The following PLOD1 variants were observed in gnomAD, a reference collection of about 807,000 sequenced individuals.
The protein encoded by PLOD1 is procollagen-lysine,2-oxoglutarate 5-dioxygenase 1.
A neutral mutation model predicts 94.7 loss-of-function variants in PLOD1; 70 were observed. The observed-to-expected ratio is 0.74, with a 90% CI of 0.61 to 0.90. PLOD1 has a LOEUF of 0.90. Among genes scored for constraint, PLOD1 ranks in the 40% least tolerant of loss-of-function variants. The pLI is 0.00. For synonymous variants in PLOD1, 417 were observed against 400.2 expected (o/e 1.04, Z -0.50); for missense variants, 905 against 972.7 (o/e 0.93, Z 0.93).
chr1:11,958,701 C>A lies in PLOD1; in HGVS notation c.975+54C>A. On this transcript the variant is annotated intron_variant, in intron 9 of 18. Transcript: ENST00000196061. The surrounding 1 kb of genome is among the most constrained non-coding windows in gnomAD (Gnocchi z 4.3). The stretch of plus-strand genomic sequence containing the variant: ...CATGTGGCTTAGATCCAGGGCCCAG[C>A]TTCACAAGGTAGCCCGAGACCTCTG... The A allele has an allele frequency of 2.5e-6, 4 of 1,608,926 alleles. No individual in the cohort carries two copies. Among genetic ancestry groups the A allele is most frequent in the Admixed American group, 3.3e-5 (2 of 59,966 alleles).
intron 1 of PLOD1, among the ~76,000 whole-genome samples, chr1:11,940,038 A>G (rs1645605894): frequency 6.6e-6 from 1 of 152,106 alleles, no homozygotes; most frequent in Admixed American, 6.5e-5. Flanking sequence ...GACCGGGATT[A>G]CAGGTGTGAG....
Position 11,957,312 on chromosome 1 carries a change from T to C in PLOD1, c.741+298T>C. The C allele has an allele frequency of 1.7e-6, 1 of 599,306 alleles. No homozygotes were observed. The highest frequency in any genetic ancestry group is 1.5e-5 in the South Asian group (1 of 67,728). 37.1% of individuals were successfully genotyped at this position (599,306 alleles called of 1,614,324 possible). A position where few individuals can be genotyped will look rare whatever the true frequency, so the allele number is the denominator to read the frequency against. ...CACTGTCACCCCAGGGCAGAGTCACTTATTCACTCAGTAAACCTTTATTTC... is the reference window on the plus strand; with the variant it reads ...CACTGTCACCCCAGGGCAGAGTCACCTATTCACTCAGTAAACCTTTATTTC... On this transcript the variant is annotated intron_variant, in intron 7 of 18. Coordinates refer to ENST00000196061, the MANE Select transcript of PLOD1 (RefSeq NM_000302.4). The surrounding 1 kb of genome is among the most constrained non-coding windows in gnomAD (Gnocchi z 4.1).
intron 13 of PLOD1, 25 bp from the exon 14 acceptor site, chr1:11,965,455 C>T: frequency 7.0e-7 from 1 of 1,436,096 alleles, no homozygotes. Context: ...GGGAGCGCCT[C>T]TTCCACCGGG....
intron 16 of PLOD1, among the ~76,000 whole-genome samples, chr1:11,967,922 G>T: frequency 6.8e-6 from 1 of 146,974 alleles, no homozygotes; most frequent in Non-Finnish European, 1.5e-5. Flanking sequence ...GCTAATCTTT[G>T]TATTCTTTAT....
intron 1 of PLOD1, among the ~76,000 whole-genome samples, chr1:11,944,261 G>A (rs1003972476): frequency 6.6e-6 from 1 of 151,904 alleles, no homozygotes; most frequent in Non-Finnish European, 1.5e-5. Flanking sequence ...CTGGCACACA[G>A]AAAATGCTCG....
Position 11,963,601 on chromosome 1 carries a change from G to A in PLOD1, c.1167G>A (p.Glu389=). 1 of 1,602,198 alleles carries A rather than the reference G, an allele frequency of 6.2e-7. No homozygotes were observed. Among genetic ancestry groups the A allele is most frequent in the Non-Finnish European group, 8.5e-7 (1 of 1,175,186 alleles). The change falls in exon 11 of 19, where the codon GAG becomes GAA. Residue 389 remains glutamate, a synonymous_variant. Transcript: ENST00000196061. The surrounding 1 kb of genome is among the most constrained non-coding windows in gnomAD (Gnocchi z 4.3). ...TGGATGCTGACGTGGCCCTGACCGA[G>A]CCCAACAGCCTGCGGCTGCTGATCC... ...FSVDADVALT[E]PNSLRLLIQQ... is the part of the protein sequence containing the mutation.
At chr1:11,935,687 C>A (rs1293893490) in intron 1 of PLOD1, among the ~76,000 whole-genome samples, 2 of 151,228 alleles carry the variant, frequency 1.3e-5, no homozygotes, top group Non-Finnish European at 2.9e-5. Context: ...TGCAGTGGCA[C>A]AATCTCAGCT....
chr1:11,967,204 G>T lies in PLOD1; in HGVS notation c.1755+113G>T, dbSNP rs927844888. Reference sequence around the variant, plus strand: ...CCTGGCCACCCTTTCTGGGACTCTTGACATAGGGGTGCTGGCATGGGTATC... The same window carrying T: ...CCTGGCCACCCTTTCTGGGACTCTTTACATAGGGGTGCTGGCATGGGTATC... On this transcript the variant is annotated intron_variant, in intron 16 of 18. Transcript: ENST00000196061. 8.3e-6 allele frequency: 6 copies of T among 725,964 alleles called. No individual in the cohort carries two copies. The African/African-American group carries it at 1.0e-4, about 13-fold the overall frequency. The allele number at this position is 725,964 out of a possible 1,614,324, so 45.0% of individuals were successfully genotyped here. A position where few individuals can be genotyped will look rare whatever the true frequency, so the allele number is the denominator to read the frequency against.
intron 18 of PLOD1, 56 bp downstream of exon 18, chr1:11,973,053 C>G: frequency 2.5e-6 from 4 of 1,607,900 alleles, no homozygotes. Context: ...GGAGGGCTAG[C>G]TGAGGAGAGG....
intron 1 of PLOD1, among the ~76,000 whole-genome samples, chr1:11,946,939 A>C (rs1645659143): frequency 1.3e-5 from 2 of 152,138 alleles, no homozygotes; most frequent in African/African-American, 4.8e-5. Flanking sequence ...TGAGAGCTGG[A>C]GCAAGAGAGA....
chr1:11,967,895 G>A (rs928646816), intron 16 of PLOD1, among the ~76,000 whole-genome samples: 8 of 150,338 alleles, frequency 5.3e-5, no homozygotes, highest in Admixed American at 2.7e-4. Flanking sequence ...GATTATAGAC[G>A]TGTGCCACCA....
At chr1:11,936,883 C>T (rs1352502291) in intron 1 of PLOD1, among the ~76,000 whole-genome samples, 1 of 148,808 alleles carries the variant, frequency 6.7e-6, no homozygotes, top group Non-Finnish European at 1.5e-5. Context: ...GTTTCACTCC[C>T]GTTGCCCAGG....
In PLOD1 at chr1:11,957,848, T is replaced by A; in HGVS notation, c.748T>A (p.Leu250Met). Residue 250 changes from leucine (L) to methionine (M), a missense_variant, in exon 8 of 19, where the codon TTG (leucine) becomes ATG (methionine). Leu to Met is a conservative substitution (Grantham distance 15). Transcript: ENST00000196061. The surrounding 1 kb of genome is among the most constrained non-coding windows in gnomAD (Gnocchi z 4.1). Reference protein sequence around the residue: ...IHGNGPTKLQLNYLGNYIPRF... With the variant: ...IHGNGPTKLQMNYLGNYIPRF... The stretch of plus-strand genomic sequence containing the variant: ...CCCCACGTCTCCCCGACAGCTGCAG[T>A]TGAACTACCTGGGCAACTACATCCC... The A allele has an allele frequency of 6.2e-7, 1 of 1,613,444 alleles. No individual in the cohort carries two copies. Among genetic ancestry groups the A allele is most frequent in the Non-Finnish European group, 8.5e-7 (1 of 1,179,404 alleles).
rs1384357715 is a variant in PLOD1 at position 11,938,585 on chromosome 1, G to T, written c.76+3730G>T. Among the ~76,000 whole-genome samples the T allele has an allele frequency of 2.6e-5, 4 of 152,258 alleles. No individual in the cohort carries two copies. In the East Asian group the frequency reaches 7.7e-4, roughly 29 times the overall value. ...GACTAGTGTGTGTGTTTGGTGGGGG[G>T]TACCCCAGCAGCCCCCAAAGAGGCC... On this transcript the variant is annotated intron_variant, in intron 1 of 18. Coordinates refer to ENST00000196061, the MANE Select transcript of PLOD1 (RefSeq NM_000302.4).
chr1:11,967,078 T>G lies in PLOD1; in HGVS notation c.1742T>G (p.Leu581Arg). Residue 581 changes from leucine (L) to arginine (R), a missense_variant, in exon 16 of 19, where the codon CTG (leucine) becomes CGG (arginine). Coordinates refer to ENST00000196061, the MANE Select transcript of PLOD1 (RefSeq NM_000302.4). ...EEMEHFGQWS[L>R]GNNKDNRIQG... ...ATGGAGCACTTTGGCCAGTGGTCTC[T>G]GGGCAACAACAAGGTGGGACCCTGA... is the stretch of plus-strand genomic sequence containing the variant. 1.9e-6 allele frequency: 3 copies of G among 1,610,292 alleles called. No homozygotes were observed. The highest frequency in any genetic ancestry group is 2.6e-6 in the Non-Finnish European group (3 of 1,176,464).
At chr1:11,973,835 G>C (rs1569744081) in intron 18 of PLOD1, among the ~76,000 whole-genome samples, 1 of 151,782 alleles carries the variant, frequency 6.6e-6, no homozygotes, top group East Asian at 2.0e-4. Flanking sequence ...AAACATATCA[G>C]GCATCCCTAA....
chr1:11,960,539 G>A (rs1030863712), intron 9 of PLOD1, 107 bp from the exon 10 acceptor site: 16 of 844,928 alleles, frequency 1.9e-5, no homozygotes, highest in Non-Finnish European at 3.2e-5. Flanking sequence ...CGGGGTGCCA[G>A]AGATGAAGGG....
At chr1:11,948,775 C>T (rs886252741) in intron 2 of PLOD1, among the ~76,000 whole-genome samples, 10 of 151,994 alleles carry the variant, frequency 6.6e-5, no homozygotes, top group Admixed American at 5.9e-4. Flanking sequence ...TGAGCTAATG[C>T]CCGATCGACC....
intron 11 of PLOD1, among the ~76,000 whole-genome samples, 153 bp from the exon 12 acceptor site, chr1:11,964,022 G>A (rs1182686014): frequency 6.6e-6 from 1 of 152,078 alleles, no homozygotes; most frequent in African/African-American, 2.4e-5. Flanking sequence ...CCAAACCCCC[G>A]ACACCCCGGC....
Sources: gnomAD v4.1 joint callset for allele counts (sites outside exome capture counted in the v4.1 genomes callset) on GRCh38, gnomAD v4.1.1 for gene constraint, Gnocchi (gnomAD v3.1) non-coding constraint, MANE v1.5 for transcripts, NCBI Gene and HGNC (gene_info 2026-07-23, HGNC 2026-07-21) for gene names.